TSPOAP1: variants seen among roughly 807,000 people sequenced by gnomAD.
The protein encoded by TSPOAP1 is peripheral-type benzodiazepine receptor-associated protein 1.
TSPOAP1 carries 87 observed loss-of-function variants against 197.0 expected under a neutral mutation model. The observed-to-expected ratio is 0.44, with a 90% CI of 0.37 to 0.53. TSPOAP1 has a LOEUF of 0.53. TSPOAP1 is among the 20% of genes least tolerant of loss of function. The pLI is 0.00. For missense variants in TSPOAP1, 2,174 were observed against 2,411.3 expected, an observed-to-expected ratio of 0.90 and a Z score of 2.06; for synonymous variants, 913 against 998.9, an observed-to-expected ratio of 0.91 and a Z score of 1.62.
At chr17:58,310,398 G>C (rs995383138) in intron 20 of TSPOAP1, 114 bp downstream of exon 20, 11 of 1,475,088 alleles carry the variant, frequency 7.5e-6, no homozygotes, top group Admixed American at 4.1e-5. Context: ...AAAGGTGTGA[G>C]AGCAGGACCA....
chr17:58,305,473 A>G lies in TSPOAP1; in HGVS notation c.5362-15T>C, dbSNP rs893825930. 6.2e-7 allele frequency: 1 copy of G among 1,613,738 alleles called. No individual in the cohort carries two copies. The highest frequency in any genetic ancestry group is 8.5e-7 in the Non-Finnish European group (1 of 1,179,866). ...GGCAGCTCTGCCTGTGGAAAACAAG[A>G]GGAGGGCATCAGGCCCAGGAAGGCT... On this transcript the variant is annotated splice_polypyrimidine_tract_variant and intron_variant, in intron 28 of 31. Transcript: ENST00000343736.
At chr17:58,311,234 A>C in intron 18 of TSPOAP1, 21 bp from the exon 19 acceptor site, 1 of 1,606,602 alleles carries the variant, frequency 6.2e-7, no homozygotes, top group Non-Finnish European at 8.5e-7. Context: ...GAGGGGGCAC[A>C]GGATGGGAAG....
At chr17:58,323,070 G>T (rs1971450906) in intron 7 of TSPOAP1, 31 bp from the exon 8 acceptor site, 7 of 1,586,682 alleles carry the variant, frequency 4.4e-6, no homozygotes, top group Non-Finnish European at 6.0e-6. Context: ...TCAGGAGGGA[G>T]CCCAGCACCC....
chr17:58,310,745 C>T lies in TSPOAP1; in HGVS notation c.3466G>A (p.Ala1156Thr). Residue 1156 changes from alanine to threonine, a missense_variant, in exon 20 of 32, where the codon GCT (alanine) becomes ACT (threonine). Physicochemically the swap from Ala to Thr is moderately conservative, Grantham distance 58 (BLOSUM62 0). Around this residue, in one of 5 missense-constraint regions of TSPOAP1, gnomAD observed 1,933 missense variants for 2,139.0 expected, o/e 0.90. Transcript: ENST00000343736. ...DPPAPCSQEE[A>T]GAAVLGTSEE... The stretch of plus-strand genomic sequence containing the variant: ...GAGGTGCCCAGCACTGCTGCCCCAG[C>T]CTCCTCCTGGAACAGAGAGCACTGA... The T allele has an allele frequency of 1.2e-6, 2 of 1,611,990 alleles. No homozygotes were observed. The highest frequency in any genetic ancestry group is 2.2e-5 in the South Asian group (2 of 91,038).
rs753639312 is a variant in TSPOAP1 at position 58,326,450 on chromosome 17, A to C, written c.442-29T>G. ...ACAAGGGGTCAGGCAGAATTGGGGCATGTAGGGAGCACCCCACAGACCCAG... is the reference window on the plus strand; with the variant it reads ...ACAAGGGGTCAGGCAGAATTGGGGCCTGTAGGGAGCACCCCACAGACCCAG... On this transcript the variant is annotated intron_variant, in intron 2 of 31. Coordinates refer to ENST00000343736, the MANE Select transcript of TSPOAP1 (RefSeq NM_004758.4). This position sits in a 1 kb window ranked among gnomAD's most constrained non-coding sequence, Gnocchi z 4.7. The C allele has an allele frequency of 1.4e-5, 22 of 1,611,478 alleles. No homozygotes were observed. In the Admixed American group the frequency reaches 3.5e-4, roughly 26 times the overall value.
At position 58,301,881 on chromosome 17, in the gene TSPOAP1, C is replaced by G. The variant is rs1311415762; in HGVS notation, c.*599G>C. ...CCAGAGCCATCAGGGGGCACAGGCT[C>G]CTTTCTCCCTCCAGGGCCCGTCCTG... On this transcript the variant is annotated 3_prime_UTR_variant, in exon 32 of 32. Transcript: ENST00000343736. The G allele has an allele frequency of 6.1e-6, 1 of 162,816 alleles. No homozygotes were observed. The highest frequency in any genetic ancestry group is 1.4e-5 in the Non-Finnish European group (1 of 73,782). The allele number at this position is 162,816 out of a possible 1,614,324, so 10.1% of individuals were successfully genotyped here.
chr17:58,313,528 T>C (rs1422843670), intron 16 of TSPOAP1, among the ~76,000 whole-genome samples: 2 of 151,932 alleles, frequency 1.3e-5, no homozygotes, highest in Non-Finnish European at 2.9e-5. Flanking sequence ...GAAGGATTGC[T>C]TGAGCCCGGG....
In TSPOAP1 at chr17:58,311,620, G is replaced by A; in HGVS notation, c.3032C>T (p.Ser1011Phe). The A allele has an allele frequency of 6.2e-7, 1 of 1,610,322 alleles. No homozygotes were observed. Among genetic ancestry groups the A allele is most frequent in the Non-Finnish European group, 8.5e-7 (1 of 1,177,490 alleles). Residue 1011 changes from serine to phenylalanine, a missense_variant, in exon 18 of 32, where the codon TCC (serine) becomes TTC (phenylalanine). Around this residue, in one of 5 missense-constraint regions of TSPOAP1, gnomAD observed 1,933 missense variants for 2,139.0 expected, o/e 0.90. Coordinates refer to ENST00000343736, the MANE Select transcript of TSPOAP1 (RefSeq NM_004758.4). ...LPVTIDAAGT[S>F]NGVRVTGYAI... is the part of the protein sequence containing the mutation. ...ATAGCCTGTGACCCGGACACCGTTGGATGTGCCAGCAGCATCGATGGTGAC... is the reference window on the plus strand; with the variant it reads ...ATAGCCTGTGACCCGGACACCGTTGAATGTGCCAGCAGCATCGATGGTGAC...
At position 58,322,371 on chromosome 17, in the gene TSPOAP1, C is replaced by T; in HGVS notation, c.1359G>A (p.Val453=). ...EVAQRRQQLE[V]EHEQARLSLR... The stretch of plus-strand genomic sequence containing the variant: ...GGCTGAGCCGAGCCTGTTCATGCTC[C>T]ACCTCCAGCTGCTGCCGCCGCTGGG... Residue 453 remains valine, a synonymous_variant, in exon 10 of 32, where the codon GTG becomes GTA. Transcript: ENST00000343736. The surrounding 1 kb of genome is among the most constrained non-coding windows in gnomAD (Gnocchi z 5.0). 1 of 1,606,308 alleles carries T rather than the reference C, an allele frequency of 6.2e-7. No homozygotes were observed. Among genetic ancestry groups the T allele is most frequent in the Non-Finnish European group, 8.5e-7 (1 of 1,179,982 alleles).
Position 58,308,597 on chromosome 17 carries a change from C to T in TSPOAP1, c.4675G>A (p.Glu1559Lys). The part of the protein sequence containing the change: ...YPRLPAWEKG[E>K]PERRGRSATG... ...GCACTGCGGCCTCTCCGCTCTGGTT[C>T]CCCTTTCTCCCAGGCTGGGAGGCGT... Residue 1559 changes from glutamate to lysine, a missense_variant, in exon 22 of 32, where the codon GAA becomes AAA. This residue lies in a region of TSPOAP1 where 1,933 missense variants were observed against 2,139.0 expected (regional missense o/e 0.90). Transcript: ENST00000343736. The T allele has an allele frequency of 6.3e-7, 1 of 1,587,726 alleles. No individual in the cohort carries two copies. The highest frequency in any genetic ancestry group is 8.6e-7 in the Non-Finnish European group (1 of 1,164,866).
intron 11 of TSPOAP1, 102 bp downstream of exon 11, chr17:58,320,429 C>A (rs1368805497): frequency 3.0e-6 from 4 of 1,331,682 alleles, no homozygotes; most frequent in Non-Finnish European, 2.0e-6. Flanking sequence ...GCCCCTCCTG[C>A]AACCCCTCTC....
rs747315106 is a variant in TSPOAP1, at chr17:58,322,314, C to T, written c.1416G>A (p.Leu472=). Reference sequence around the variant, plus strand: ...TCCCTCACTGCCGCCCCACCTGCTGCAGTCTCCGGACCTCCTCCTGCTTCT... The same window carrying T: ...TCCCTCACTGCCGCCCCACCTGCTGTAGTCTCCGGACCTCCTCCTGCTTCT... The part of the protein sequence containing the change: ...LREKQEEVRR[L]QQAQAEAQRE... The change falls in exon 10 of 32, where the codon CTG becomes CTA. Residue 472 remains leucine (L), a synonymous_variant. Transcript: ENST00000343736. This position sits in a 1 kb window ranked among gnomAD's most constrained non-coding sequence, Gnocchi z 5.0. The T allele has an allele frequency of 6.2e-7, 1 of 1,603,116 alleles. No homozygotes were observed. Among genetic ancestry groups the T allele is most frequent in the Non-Finnish European group, 8.5e-7 (1 of 1,179,824 alleles).
Position 58,302,311 on chromosome 17 carries a change from C to G in TSPOAP1, c.*169G>C. ...GCCCAGCCTCCTGAGGAGCTGCTTC[C>G]CCTTGGAGAAGAAACCCCACACCTT... On this transcript the variant is annotated 3_prime_UTR_variant, in exon 32 of 32. Coordinates refer to ENST00000343736, the MANE Select transcript of TSPOAP1 (RefSeq NM_004758.4). 2 of 1,289,532 alleles carry G rather than the reference C, an allele frequency of 1.6e-6. No homozygotes were observed. The highest frequency in any genetic ancestry group is 2.0e-6 in the Non-Finnish European group (2 of 988,812). 79.9% of individuals were successfully genotyped at this position (1,289,532 alleles called of 1,614,324 possible).
intron 16 of TSPOAP1, among the ~76,000 whole-genome samples, chr17:58,314,054 T>C (rs946140981): frequency 6.6e-6 from 1 of 152,228 alleles, no homozygotes; most frequent in Non-Finnish European, 1.5e-5. Context: ...TGGTAGCTGG[T>C]GTGCTTTATT....
chr17:58,322,384 TGCCGCC>T lies in TSPOAP1; in HGVS notation c.1340_1345del (p.Arg447_Arg448del), dbSNP rs1971428242. The T allele has an allele frequency of 6.2e-7, 1 of 1,606,224 alleles. No individual in the cohort carries two copies. Among genetic ancestry groups the T allele is most frequent in the Non-Finnish European group, 8.5e-7 (1 of 1,179,982 alleles). On this transcript the variant is annotated inframe_deletion, in exon 10 of 32. Coordinates refer to ENST00000343736, the MANE Select transcript of TSPOAP1 (RefSeq NM_004758.4). This position sits in a 1 kb window ranked among gnomAD's most constrained non-coding sequence, Gnocchi z 5.0. ...CTGTTCATGCTCCACCTCCAGCTGCTGCCGCCGCTGGGCCACCTCCCGCATGTGCTG... is the reference window on the plus strand; with the variant it reads ...CTGTTCATGCTCCACCTCCAGCTGCTGCTGGGCCACCTCCCGCATGTGCTG...
Position 58,328,327 on chromosome 17 carries a change from G to A in TSPOAP1, c.-407C>T. 4.1e-6 allele frequency: 1 copy of A among 244,998 alleles called. No individual in the cohort carries two copies. Among genetic ancestry groups the A allele is most frequent in the South Asian group, 5.9e-5 (1 of 16,886 alleles). The allele number at this position is 244,998 out of a possible 1,614,324, so 15.2% of individuals were successfully genotyped here. ...ATGGGTGCCCCCACTTCTGTGTGTT[G>A]AGGGGGGTGGTGCTGTGTGTCACTG... On this transcript the variant is annotated 5_prime_UTR_variant, in exon 1 of 32. Coordinates refer to ENST00000343736, the MANE Select transcript of TSPOAP1 (RefSeq NM_004758.4). The surrounding 1 kb of genome is among the most constrained non-coding windows in gnomAD (Gnocchi z 4.3).
Position 58,316,431 on chromosome 17 carries a change from C to A in TSPOAP1, c.1982G>T (p.Arg661Leu). The change falls in exon 15 of 32, where the codon CGT becomes CTT. Residue 661 changes from arginine to leucine, a missense_variant. Arg to Leu is a moderately radical substitution (Grantham distance 102). Coordinates refer to ENST00000343736, the MANE Select transcript of TSPOAP1 (RefSeq NM_004758.4). ...GTGAGGGTGAGGGACCCACCTATAA[C>A]GTGCTAGGAAGACCTGGATCCTGGC... ...GGARIQVFLARYSYNPFEGPN... is the reference protein window; with the variant it reads ...GGARIQVFLALYSYNPFEGPN... The A allele has an allele frequency of 6.2e-7, 1 of 1,611,914 alleles. No homozygotes were observed. The highest frequency in any genetic ancestry group is 8.5e-7 in the Non-Finnish European group (1 of 1,178,782).
chr17:58,311,372 C>CT, intron 18 of TSPOAP1, 159 bp from the exon 19 acceptor site: 1 of 1,263,410 alleles, frequency 7.9e-7, no homozygotes, highest in Non-Finnish European at 1.1e-6. Flanking sequence ...TTTCATCCTC[C>CT]TGGCCATATG....
Position 58,320,118 on chromosome 17 carries a change from A to G in TSPOAP1, c.1485T>C (p.Asp495=). The part of the protein sequence containing the change: ...GAVQLLESTL[D]SMQARVRELE... The stretch of plus-strand genomic sequence containing the variant: ...GAGAACGAGGCGCTACCTGCATGGA[A>G]TCCAAGGTAGACTGTTGCAGGAAAG... The change falls in exon 12 of 32, where the codon GAT becomes GAC. Residue 495 remains aspartate (D), a synonymous_variant. Transcript: ENST00000343736. 1 of 1,614,156 alleles carries G rather than the reference A, an allele frequency of 6.2e-7. No individual in the cohort carries two copies.
Sources: gnomAD v4.1 joint callset for allele counts (sites outside exome capture counted in the v4.1 genomes callset) on GRCh38, gnomAD v4.1.1 for gene constraint, gnomAD v4.1.1 regional missense constraint, Gnocchi (gnomAD v3.1) non-coding constraint, MANE v1.5 for transcripts, NCBI Gene and HGNC (gene_info 2026-07-23, HGNC 2026-07-21) for gene names.